Variants in KCNAB1 observed in about 807,000 individuals in gnomAD.
KCNAB1 encodes potassium voltage-gated channel subfamily A regulatory beta subunit 1.
In KCNAB1, 35 loss-of-function variants were observed where a neutral mutation model predicts 64.6. The ratio of observed to expected loss-of-function variants is 0.54; its 90% confidence interval spans 0.41 to 0.72. The LOEUF (loss-of-function observed/expected upper bound fraction) is 0.72. Among genes scored for constraint, KCNAB1 ranks in the 30% least tolerant of loss-of-function variants. The probability of loss-of-function intolerance (pLI) is 0.00; values close to 1 mark genes in which losing one functional copy is unlikely to be tolerated. For synonymous variants in KCNAB1, 177 were observed against 183.8 expected (o/e 0.96, Z 0.30); for missense variants, 401 against 512.9 (o/e 0.78, Z 2.11).
At chr3:156,138,112 A>G (rs1714476924) in intron 1 of KCNAB1, among the ~76,000 whole-genome samples, 1 of 152,186 alleles carries the variant, frequency 6.6e-6, no homozygotes, top group Admixed American at 6.5e-5. Flanking sequence ...ACACACACAT[A>G]CTATACTTAG....
chr3:156,252,074 C>T (rs1227422487), intron 1 of KCNAB1, among the ~76,000 whole-genome samples: 1 of 152,192 alleles, frequency 6.6e-6, no homozygotes, highest in East Asian at 1.9e-4. Flanking sequence ...GTGATGACCC[C>T]CAGGAAATGG....
intron 1 of KCNAB1, among the ~76,000 whole-genome samples, chr3:156,307,734 A>C (rs1311867530): frequency 1.3e-5 from 2 of 152,228 alleles, no homozygotes; most frequent in Non-Finnish European, 2.9e-5. Context: ...AGCAGGAGTT[A>C]CAGGGCAGGT....
intron 1 of KCNAB1, among the ~76,000 whole-genome samples, chr3:156,235,198 T>C (rs1220275862): frequency 3.3e-5 from 5 of 152,170 alleles, no homozygotes; most frequent in Non-Finnish European, 7.4e-5. Flanking sequence ...AAGCTTGCCA[T>C]TTACCTTCTT....
intron 8 of KCNAB1, among the ~76,000 whole-genome samples, chr3:156,477,524 T>G (rs1208263991): frequency 6.6e-6 from 1 of 152,142 alleles, no homozygotes; most frequent in Non-Finnish European, 1.5e-5. Flanking sequence ...CTCTGAGGCT[T>G]ATTCTTCTGG....
chr3:156,411,302 A>G (rs1478792866), intron 1 of KCNAB1, among the ~76,000 whole-genome samples: 1 of 152,108 alleles, frequency 6.6e-6, no homozygotes, highest in Non-Finnish European at 1.5e-5. Flanking sequence ...ATTTTCTTTC[A>G]GCATGTAACA....
At chr3:156,326,121 G>T (rs1722955797) in intron 1 of KCNAB1, among the ~76,000 whole-genome samples, 1 of 152,094 alleles carries the variant, frequency 6.6e-6, no homozygotes. Context: ...TACTCTGGGG[G>T]TCTGCTCCCC....
upstream of KCNAB1, among the ~76,000 whole-genome samples, chr3:156,118,967 G>T (rs1220455536): frequency 6.6e-6 from 1 of 152,204 alleles, no homozygotes; most frequent in Non-Finnish European, 1.5e-5. Context: ...AGACCCCACA[G>T]CATCAGATGG....
At chr3:156,501,953 C>G (rs764251342) in intron 8 of KCNAB1, among the ~76,000 whole-genome samples, 4 of 152,084 alleles carry the variant, frequency 2.6e-5, no homozygotes, top group Non-Finnish European at 5.9e-5. Context: ...CCTACCATAT[C>G]TTGTGAGACT....
chr3:156,249,571 GAAAAAAAAGA>G (rs755905237), intron 1 of KCNAB1, among the ~76,000 whole-genome samples: 5 of 134,350 alleles, frequency 3.7e-5, no homozygotes, highest in African/African-American at 8.5e-5. Flanking sequence ...AAAAAAAAAA[GAAAAAAAAGA>G]AAAAAAAAGA....
intron 1 of KCNAB1, among the ~76,000 whole-genome samples, chr3:156,214,360 G>A (rs1715188710): frequency 6.6e-6 from 1 of 152,038 alleles, no homozygotes; most frequent in African/African-American, 2.4e-5. Context: ...CTTAATCTGG[G>A]GGTCTATGCT....
chr3:156,144,173 C>T (rs1345182790), intron 1 of KCNAB1, among the ~76,000 whole-genome samples: 1 of 152,046 alleles, frequency 6.6e-6, no homozygotes, highest in Non-Finnish European at 1.5e-5. Flanking sequence ...AGCCCAGAAG[C>T]TGAGTAAAAG....
chr3:156,250,413 T>C (rs1020913288), intron 1 of KCNAB1, among the ~76,000 whole-genome samples: 1 of 152,246 alleles, frequency 6.6e-6, no homozygotes, highest in Non-Finnish European at 1.5e-5. Flanking sequence ...CTCCTCCTCC[T>C]ATCCCTTCTC....
intron 1 of KCNAB1, among the ~76,000 whole-genome samples, chr3:156,366,756 GAATCCAGTATCTCTGC>G (rs1725969592): frequency 6.6e-6 from 1 of 152,222 alleles, no homozygotes; most frequent in Non-Finnish European, 1.5e-5. Context: ...GTTCATAGGG[GAATCCAGTATCTCTGC>G]ATCTTAATTT....
intron 1 of KCNAB1, among the ~76,000 whole-genome samples, chr3:156,321,421 C>A (rs77396252): frequency 0.031 from 4,755 of 152,258 alleles, 260 homozygotes; most frequent in African/African-American, 0.11. Context: ...ACTCTATTAT[C>A]TCATTCTAAA....
upstream of KCNAB1, chr3:156,118,273 C>T: frequency 2.2e-6 from 1 of 452,354 alleles, no homozygotes; most frequent in South Asian, 1.6e-5. Context: ...TGGCTGTTGT[C>T]TGGAAACTCA....
At chr3:156,122,978 T>C (rs1228005146) in intron 1 of KCNAB1, among the ~76,000 whole-genome samples, 1 of 152,210 alleles carries the variant, frequency 6.6e-6, no homozygotes, top group African/African-American at 2.4e-5. Context: ...GTGCAATCTC[T>C]TCCAAATTTA....
At chr3:156,513,571 A>G (rs1455699172) in intron 8 of KCNAB1, among the ~76,000 whole-genome samples, 1 of 152,206 alleles carries the variant, frequency 6.6e-6, no homozygotes, top group Non-Finnish European at 1.5e-5. Context: ...GAGGGTCTCC[A>G]TGCTCTCTTG....
chr3:156,209,862 T>C (rs139227290), intron 1 of KCNAB1, among the ~76,000 whole-genome samples: 254 of 152,368 alleles, frequency 1.7e-3, no homozygotes, highest in South Asian at 5.2e-3. Flanking sequence ...GGCAGAAAGA[T>C]AAGGGCTTGG....
At chr3:156,240,899 C>T (rs1717124550) in intron 1 of KCNAB1, among the ~76,000 whole-genome samples, 1 of 152,130 alleles carries the variant, frequency 6.6e-6, no homozygotes, top group Admixed American at 6.5e-5. Flanking sequence ...GGTGCGTTAT[C>T]AAGAAGTAAC....
Sources: allele counts gnomAD v4.1 joint callset (sites outside exome capture counted in the v4.1 genomes callset), GRCh38; gene constraint gnomAD v4.1.1; transcripts MANE v1.5; gene names NCBI Gene and HGNC (gene_info 2026-07-23, HGNC 2026-07-21).